MYO5B: variants seen among roughly 807,000 people sequenced by gnomAD.
MYO5B encodes myosin VB, also known as unconventional myosin-Vb.
MYO5B carries 143 observed loss-of-function variants against 229.3 expected under a neutral mutation model. The ratio of observed to expected loss-of-function variants is 0.62; its 90% CI spans 0.54 to 0.72. The LOEUF is 0.72. Ranked by LOEUF, MYO5B falls within the 30% of genes least tolerant of loss-of-function variation. The pLI, the probability that MYO5B is intolerant of heterozygous loss-of-function variation, is 0.00. For missense variants in MYO5B, 2,321 were observed against 2,331.0 expected, an observed-to-expected ratio of 1.00 and a Z score of 0.09; for synonymous variants, 918 against 885.2, an observed-to-expected ratio of 1.04 and a Z score of -0.66.
chr18:50,152,331 C>T (rs1568126202), intron 1 of MYO5B, among the ~76,000 whole-genome samples: 1 of 152,180 alleles, frequency 6.6e-6, no homozygotes. Context: ...AGGGCACTCC[C>T]TGAATGAAAT....
chr18:50,072,645 G>A (rs2030985424), intron 1 of MYO5B, among the ~76,000 whole-genome samples: 1 of 152,146 alleles, frequency 6.6e-6, no homozygotes, highest in African/African-American at 2.4e-5. Context: ...CAGGCACTAT[G>A]GTGCATTCTA....
Position 49,880,411 on chromosome 18 carries a change from C to T in MYO5B, c.3090G>A (p.Glu1030=). The change falls in exon 23 of 40, where the codon GAG becomes GAA. Residue 1030 remains glutamate, a synonymous_variant. Coordinates refer to ENST00000285039, the MANE Select transcript of MYO5B (RefSeq NM_001080467.3). ...LEQENALLKD[E]KEQLNNQILC... The stretch of plus-strand genomic sequence containing the variant: ...GGATTTGGTTGTTGAGCTGTTCTTT[C>T]TCATCTTTCAAGAGAGCATTTTCTT... 1 of 1,614,172 alleles carries T rather than the reference C, an allele frequency of 6.2e-7. No homozygotes were observed. The highest frequency in any genetic ancestry group is 1.3e-5 in the African/African-American group (1 of 75,056).
chr18:50,189,207 G>A (rs12455801), intron 1 of MYO5B, among the ~76,000 whole-genome samples: 1 of 152,148 alleles, frequency 6.6e-6, no homozygotes, highest in African/African-American at 2.4e-5. Flanking sequence ...TGGGCTCCTA[G>A]AATCTGATCC....
Position 50,194,887 on chromosome 18 carries a change from G to A in MYO5B, c.-94C>T. 1 of 1,226,734 alleles carries A rather than the reference G, an allele frequency of 8.2e-7. No homozygotes were observed. Among genetic ancestry groups the A allele is most frequent in the Non-Finnish European group, 1.0e-6 (1 of 985,094 alleles). The allele number at this position is 1,226,734 out of a possible 1,614,324, so 76.0% of individuals were successfully genotyped here. On this transcript the variant is annotated 5_prime_UTR_variant, in exon 1 of 40. Coordinates refer to ENST00000285039, the MANE Select transcript of MYO5B (RefSeq NM_001080467.3). ...CGCCTGGCGCCATGTTCCCGGGCTG[G>A]CCTGGAGTTTCTCGATCTTCTCGCT... is the stretch of plus-strand genomic sequence containing the variant.
At chr18:50,117,429 C>T (rs1011233300) in intron 1 of MYO5B, among the ~76,000 whole-genome samples, 2 of 152,142 alleles carry the variant, frequency 1.3e-5, no homozygotes, top group Non-Finnish European at 2.9e-5. Context: ...GGACAGGCCT[C>T]CATGATCTCT....
chr18:50,056,022 G>A lies in MYO5B; in HGVS notation c.28-644C>T, dbSNP rs535316810. Among the ~76,000 whole-genome samples the A allele has an allele frequency of 1.3e-4, 20 of 152,176 alleles. No individual in the cohort carries two copies. In the East Asian group the frequency reaches 3.5e-3, roughly 26 times the overall value. Reference sequence around the variant, plus strand: ...AGCCTCCAACTCCTGTGATCCTCCCGTCTCAGCCTCCCAAAGTGTTGGGAT... The same window carrying A: ...AGCCTCCAACTCCTGTGATCCTCCCATCTCAGCCTCCCAAAGTGTTGGGAT... On this transcript the variant is annotated intron_variant, in intron 1 of 39. Transcript: ENST00000285039.
At chr18:50,062,410 G>A (rs1351521734) in intron 1 of MYO5B, among the ~76,000 whole-genome samples, 1 of 152,172 alleles carries the variant, frequency 6.6e-6, no homozygotes, top group Non-Finnish European at 1.5e-5. Context: ...ACACTGGTCT[G>A]TTCAGAAGAA....
At chr18:50,177,997 C>G (rs909459445) in intron 1 of MYO5B, among the ~76,000 whole-genome samples, 2 of 152,218 alleles carry the variant, frequency 1.3e-5, no homozygotes, top group African/African-American at 4.8e-5. Flanking sequence ...CTGAATAGCA[C>G]TTATTGCACT....
At chr18:49,841,031 G>T (rs1324034031) in intron 35 of MYO5B, among the ~76,000 whole-genome samples, 2 of 152,212 alleles carry the variant, frequency 1.3e-5, no homozygotes, top group African/African-American at 2.4e-5. Context: ...CCACTGCAGT[G>T]GGGCTTCTAG....
chr18:50,037,891 TA>T (rs563240779), intron 3 of MYO5B, among the ~76,000 whole-genome samples: 18 of 148,676 alleles, frequency 1.2e-4, no homozygotes, highest in South Asian at 2.1e-4. Flanking sequence ...GGCCCTGTCT[TA>T]AAAAAAAAAG....
chr18:49,924,033 A>G (rs1598885515), intron 17 of MYO5B, among the ~76,000 whole-genome samples: 1 of 152,124 alleles, frequency 6.6e-6, no homozygotes, highest in East Asian at 1.9e-4. Context: ...GTGATCCTCA[A>G]CAGTTTAACA....
intron 4 of MYO5B, among the ~76,000 whole-genome samples, chr18:50,025,490 GT>G (rs2026320749): frequency 6.6e-6 from 1 of 152,304 alleles, no homozygotes; most frequent in African/African-American, 2.4e-5. Flanking sequence ...TTGGTGCCCT[GT>G]GATCATTAAA....
rs1027580567 is a variant in MYO5B at position 50,052,147 on chromosome 18, C to T, written c.138+3121G>A. ...TCGACCATTGTGGAAGTCAGTGTGG[C>T]GATTCCTCAGGGATCTAGAACTAGA... On this transcript the variant is annotated intron_variant, in intron 2 of 39. Transcript: ENST00000285039. Among the ~76,000 whole-genome samples the T allele has an allele frequency of 4.6e-5, 7 of 152,184 alleles. No individual in the cohort carries two copies. The East Asian group carries it at 9.7e-4, about 21-fold the overall frequency.
intron 4 of MYO5B, among the ~76,000 whole-genome samples, chr18:50,036,287 G>A (rs1417534167): frequency 6.6e-6 from 1 of 152,178 alleles, no homozygotes; most frequent in Non-Finnish European, 1.5e-5. Flanking sequence ...TTTTCAGAGT[G>A]AAAAGAATAA....
At chr18:50,192,760 T>C (rs2033245593) in intron 1 of MYO5B, among the ~76,000 whole-genome samples, 2 of 152,222 alleles carry the variant, frequency 1.3e-5, no homozygotes, top group African/African-American at 4.8e-5. Context: ...TTCCAGTTAA[T>C]AATGTAAAAG....
At chr18:50,008,696 G>A (rs2026129631) in intron 4 of MYO5B, among the ~76,000 whole-genome samples, 1 of 152,156 alleles carries the variant, frequency 6.6e-6, no homozygotes, top group Admixed American at 6.5e-5. Flanking sequence ...GGGGAAGCCT[G>A]GCTTGCCAAG....
chr18:49,943,729 T>G (rs970264409), intron 14 of MYO5B, among the ~76,000 whole-genome samples: 1 of 152,224 alleles, frequency 6.6e-6, no homozygotes, highest in Non-Finnish European at 1.5e-5. Flanking sequence ...GCCTCTTCTA[T>G]ATCATGGAGT....
At chr18:49,881,549 T>G (rs531514146) in intron 22 of MYO5B, among the ~76,000 whole-genome samples, 1 of 152,306 alleles carries the variant, frequency 6.6e-6, no homozygotes, top group South Asian at 2.1e-4. Context: ...ACACCTGTAA[T>G]CCCAGCACTT....
chr18:50,125,527 A>G (rs2032147712), intron 1 of MYO5B, among the ~76,000 whole-genome samples: 1 of 152,198 alleles, frequency 6.6e-6, no homozygotes, highest in Admixed American at 6.5e-5. Flanking sequence ...TAATAGTAAT[A>G]ATAATAAAAA....
Sources: allele counts gnomAD v4.1 joint callset (sites outside exome capture counted in the v4.1 genomes callset), GRCh38; gene constraint gnomAD v4.1.1; transcripts MANE v1.5; gene names NCBI Gene and HGNC (gene_info 2026-07-23, HGNC 2026-07-21).